The following KCNK9 variants were observed in gnomAD, a reference collection of about 807,000 sequenced individuals.
KCNK9 encodes potassium two pore domain channel subfamily K member 9.
Under a neutral mutation model 10.8 loss-of-function variants are expected in KCNK9, and 1 was observed. The observed-to-expected ratio is 0.09, with a 90% CI of 0.03 to 0.44. The LOEUF (loss-of-function observed/expected upper bound fraction) is 0.44, where lower values mean the gene tolerates loss of function less well. KCNK9 is among the 20% of genes least tolerant of loss of function. KCNK9 has a pLI of 0.97. For synonymous variants in KCNK9, 231 were observed against 222.7 expected, an observed-to-expected ratio of 1.04 and a Z score of -0.33; for missense variants, 303 against 515.0, an observed-to-expected ratio of 0.59 and a Z score of 3.98.
At chr8:139,692,075 A>G (rs1816945285) in intron 1 of KCNK9, among the ~76,000 whole-genome samples, 1 of 152,178 alleles carries the variant, frequency 6.6e-6, no homozygotes, top group South Asian at 2.1e-4. Context: ...TGGAGCAGCC[A>G]CCATGGAACC....
At chr8:139,602,717 CATT>C (rs934003832) in intron 2 of KCNK9, among the ~76,000 whole-genome samples, 5 of 152,144 alleles carry the variant, frequency 3.3e-5, no homozygotes, top group East Asian at 1.9e-4. Flanking sequence ...TTGTGAGAAT[CATT>C]ATAAAACAAA....
downstream of KCNK9, among the ~76,000 whole-genome samples, chr8:139,613,714 C>T (rs1018854649): frequency 6.6e-6 from 1 of 152,188 alleles, no homozygotes; most frequent in African/African-American, 2.4e-5. Flanking sequence ...CTTCCAGGAG[C>T]TCAGTGGAGC....
chr8:139,689,696 G>T (rs577773748), intron 1 of KCNK9, among the ~76,000 whole-genome samples: 1 of 148,068 alleles, frequency 6.8e-6, no homozygotes, highest in Non-Finnish European at 1.5e-5. Flanking sequence ...AAGCTGGAGC[G>T]CAGTGGCGTG....
chr8:139,673,196 G>C (rs961307335), intron 1 of KCNK9, among the ~76,000 whole-genome samples: 1 of 152,090 alleles, frequency 6.6e-6, no homozygotes, highest in Admixed American at 6.5e-5. Context: ...GCATAGGCCT[G>C]GGGGGAATGG....
intron 1 of KCNK9, among the ~76,000 whole-genome samples, chr8:139,679,442 A>G (rs1333064492): frequency 1.3e-5 from 2 of 152,222 alleles, no homozygotes; most frequent in Non-Finnish European, 2.9e-5. Context: ...TTCTTGTTAC[A>G]AGGGAAACCC....
intron 1 of KCNK9, among the ~76,000 whole-genome samples, chr8:139,646,507 C>G (rs569007705): frequency 6.6e-6 from 1 of 152,192 alleles, no homozygotes; most frequent in Non-Finnish European, 1.5e-5. Context: ...GGACTTGACC[C>G]GAGCAATACT....
intron 1 of KCNK9, among the ~76,000 whole-genome samples, chr8:139,644,725 C>T (rs60827791): frequency 0.015 from 2,209 of 148,906 alleles, 83 homozygotes; most frequent in East Asian, 0.078. Context: ...TCCCCCCCCC[C>T]CAGAGCCTCC....
chr8:139,666,655 T>C (rs759276599), intron 1 of KCNK9, among the ~76,000 whole-genome samples: 4 of 152,242 alleles, frequency 2.6e-5, no homozygotes, highest in Admixed American at 6.5e-5. Flanking sequence ...CCCAGCACTG[T>C]GCATACAGCA....
At chr8:139,672,471 C>G (rs887173129) in intron 1 of KCNK9, among the ~76,000 whole-genome samples, 2 of 152,226 alleles carry the variant, frequency 1.3e-5, no homozygotes, top group Admixed American at 1.3e-4. Flanking sequence ...CAGTCAAAAT[C>G]CATTCACTTG....
intron 1 of KCNK9, among the ~76,000 whole-genome samples, chr8:139,689,712 G>A (rs572196689): frequency 1.9e-3 from 284 of 147,658 alleles, no homozygotes; most frequent in African/African-American, 6.9e-3. Flanking sequence ...GCGTGATCTC[G>A]ACTCACTGCA....
intron 1 of KCNK9, among the ~76,000 whole-genome samples, chr8:139,695,448 C>A (rs950090896): frequency 6.6e-6 from 1 of 152,224 alleles, no homozygotes; most frequent in African/African-American, 2.4e-5. Flanking sequence ...TGTTACAGAA[C>A]AGGAGGGAGG....
intron 1 of KCNK9, among the ~76,000 whole-genome samples, chr8:139,645,404 G>A (rs1815645801): frequency 6.6e-6 from 1 of 152,174 alleles, no homozygotes; most frequent in Non-Finnish European, 1.5e-5. Context: ...CATGGCCCAG[G>A]GAGGGGCCTT....
rs77181975 is a variant in KCNK9, at chr8:139,692,285, C to G, written c.283+10425G>C. ...TCTGCTAGAGGCTCCTGAACACGAT[C>G]CCTAAATAATCCACTCTGATGAAAT... On this transcript the variant is annotated intron_variant, in intron 1 of 1. Coordinates refer to ENST00000520439, the MANE Select transcript of KCNK9 (RefSeq NM_001282534.2). Among the ~76,000 whole-genome samples the G allele has an allele frequency of 2.3e-3, 352 of 152,306 alleles. 1 individual carries two copies. The highest frequency in any genetic ancestry group is 8.2e-3 in the African/African-American group (342 of 41,572).
chr8:139,698,803 A>T (rs1393664900), intron 1 of KCNK9, among the ~76,000 whole-genome samples: 1 of 152,220 alleles, frequency 6.6e-6, no homozygotes, highest in East Asian at 1.9e-4. Context: ...TGTCTGTTTC[A>T]CGAAAAGTCT....
chr8:139,602,526 T>C (rs1256792946), intron 2 of KCNK9, among the ~76,000 whole-genome samples: 1 of 152,174 alleles, frequency 6.6e-6, no homozygotes, highest in Non-Finnish European at 1.5e-5. Context: ...TTTTAGGAGA[T>C]GCTCTGAGAA....
At chr8:139,606,332 C>T (rs1172804408) in intron 2 of KCNK9, among the ~76,000 whole-genome samples, 1 of 152,142 alleles carries the variant, frequency 6.6e-6, no homozygotes, top group African/African-American at 2.4e-5. Flanking sequence ...CCCAGGTCCC[C>T]TTACTGCACA....
At position 139,693,198 on chromosome 8, in the gene KCNK9, C is replaced by G. The variant is rs1287214205; in HGVS notation, c.283+9512G>C. Among the ~76,000 whole-genome samples the G allele has an allele frequency of 6.6e-6, 1 of 152,158 alleles. No individual in the cohort carries two copies. Among genetic ancestry groups the G allele is most frequent in the Non-Finnish European group, 1.5e-5 (1 of 68,036 alleles). On this transcript the variant is annotated intron_variant, in intron 1 of 1. Transcript: ENST00000520439. This position sits in a 1 kb window ranked among gnomAD's most constrained non-coding sequence, Gnocchi z 4.1. ...CTCACATGTCTGACAGGGCCAGTGACAGCCAAAGTCCATTTCACAAGTAGG... is the reference window on the plus strand; with the variant it reads ...CTCACATGTCTGACAGGGCCAGTGAGAGCCAAAGTCCATTTCACAAGTAGG...
chr8:139,646,228 C>T (rs1156682206), intron 1 of KCNK9, among the ~76,000 whole-genome samples: 1 of 152,252 alleles, frequency 6.6e-6, no homozygotes, highest in African/African-American at 2.4e-5. Flanking sequence ...TGGGCATCAC[C>T]CTTCTTTGGA....
At chr8:139,686,115 A>C (rs1292484266) in intron 1 of KCNK9, among the ~76,000 whole-genome samples, 7 of 152,240 alleles carry the variant, frequency 4.6e-5, no homozygotes, top group Non-Finnish European at 1.0e-4. Flanking sequence ...AATTAACTCA[A>C]GATGGATTAA....
Sources: gnomAD v4.1 joint callset for allele counts (sites outside exome capture counted in the v4.1 genomes callset) on GRCh38, gnomAD v4.1.1 for gene constraint, Gnocchi (gnomAD v3.1) non-coding constraint, MANE v1.5 for transcripts, NCBI Gene and HGNC (gene_info 2026-07-23, HGNC 2026-07-21) for gene names.